The following FRMPD4 variants were observed in gnomAD, a reference collection of about 807,000 sequenced individuals.
The protein encoded by FRMPD4 is FERM and PDZ domain-containing protein 4.
In FRMPD4, 22 loss-of-function variants were observed where a neutral mutation model predicts 94.1. That is an observed-to-expected ratio of 0.23 (90% CI 0.17 to 0.33). The LOEUF is 0.33. Ranked by LOEUF, FRMPD4 falls within the 10% of genes least tolerant of loss-of-function variation. The probability of loss-of-function intolerance (pLI) is 1.00; values close to 1 mark genes in which losing one functional copy is unlikely to be tolerated. For synonymous variants in FRMPD4, 631 were observed against 548.6 expected (o/e 1.15, Z -2.10); for missense variants, 1,111 against 1,339.9 (o/e 0.83, Z 2.67).
At chrX:12,048,983 AC>A (rs1469264076) in intron 3 of FRMPD4, among the ~76,000 whole-genome samples, 12 of 111,419 alleles carry the variant, frequency 1.1e-4, no homozygotes, top group Admixed American at 7.6e-4. Context: ...TTTTTTGGTT[AC>A]ATATGAATTT....
intron 4 of FRMPD4, among the ~76,000 whole-genome samples, chrX:12,654,381 A>G (rs1602267800): frequency 1.8e-5 from 2 of 111,763 alleles, no homozygotes; most frequent in South Asian, 3.8e-4. Flanking sequence ...GATTCTGCCC[A>G]TCTGAAGAAT....
intron 4 of FRMPD4, among the ~76,000 whole-genome samples, chrX:12,654,910 G>A (rs2059636969): frequency 8.9e-6 from 1 of 112,257 alleles, no homozygotes; most frequent in South Asian, 3.7e-4. Context: ...GATTCTGCCA[G>A]TTACTGAAAT....
At chrX:12,144,502 AATAT>A (rs1227313837) in intron 1 of FRMPD4, among the ~76,000 whole-genome samples, 1 of 110,219 alleles carries the variant, frequency 9.1e-6, no homozygotes, top group African/African-American at 3.3e-5. Flanking sequence ...TTCTTTCAGA[AATAT>A]ATTTTCAAGT....
chrX:12,377,908 C>T (rs763178706), intron 1 of FRMPD4, among the ~76,000 whole-genome samples: 1 of 112,571 alleles, frequency 8.9e-6, no homozygotes. Flanking sequence ...TGCATTTGCA[C>T]TGGCTCATTC....
chrX:12,602,118 A>G (rs2059089905), intron 2 of FRMPD4, among the ~76,000 whole-genome samples: 1 of 111,717 alleles, frequency 9.0e-6, no homozygotes, highest in Non-Finnish European at 1.9e-5. Flanking sequence ...CACACACAAT[A>G]TCATCATTTT....
intron 1 of FRMPD4, among the ~76,000 whole-genome samples, chrX:12,286,454 A>C (rs2054601125): frequency 8.9e-6 from 1 of 112,022 alleles, no homozygotes; most frequent in South Asian, 3.7e-4. Flanking sequence ...GAATTAAATG[A>C]TATGAATAAG....
At chrX:11,966,990 A>G (rs1396297086) in intron 3 of FRMPD4, among the ~76,000 whole-genome samples, 2 of 112,365 alleles carry the variant, frequency 1.8e-5, no homozygotes, top group African/African-American at 6.5e-5. Context: ...AGTAAGTGGC[A>G]TGGGTGTGAG....
chrX:12,146,364 C>CAA (rs59744883), intron 1 of FRMPD4, among the ~76,000 whole-genome samples: 11 of 98,637 alleles, frequency 1.1e-4, no homozygotes, highest in South Asian at 4.8e-4. Context: ...GACTCTGTCT[C>CAA]AAAAAAAAAA....
At chrX:12,553,975 GTTTTGT>G (rs1445134585) in intron 2 of FRMPD4, among the ~76,000 whole-genome samples, 3 of 111,426 alleles carry the variant, frequency 2.7e-5, no homozygotes, top group Non-Finnish European at 3.8e-5. Context: ...GTGGACATAG[GTTTTGT>G]TTTTGTTTTT....
At chrX:11,844,284 A>G (rs997450790) in intron 1 of FRMPD4, among the ~76,000 whole-genome samples, 6 of 110,434 alleles carry the variant, frequency 5.4e-5, no homozygotes, top group Non-Finnish European at 7.6e-5. Flanking sequence ...GGTGTGAGCC[A>G]TTGCACCCGG....
intron 1 of FRMPD4, among the ~76,000 whole-genome samples, chrX:12,377,618 C>G (rs996889512): frequency 1.8e-5 from 2 of 112,367 alleles, no homozygotes; most frequent in Non-Finnish European, 3.8e-5. Context: ...TTCTGCTCAC[C>G]CAACATCACC....
At chrX:12,578,553 G>A (rs1394010801) in intron 2 of FRMPD4, among the ~76,000 whole-genome samples, 1 of 97,148 alleles carries the variant, frequency 1.0e-5, no homozygotes, top group African/African-American at 4.3e-5. Flanking sequence ...CTTGTATTCT[G>A]AGATATATAT....
At chrX:12,554,640 T>A (rs1438492) in intron 2 of FRMPD4, among the ~76,000 whole-genome samples, 1 of 110,725 alleles carries the variant, frequency 9.0e-6, no homozygotes, top group African/African-American at 3.3e-5. Context: ...GAGATAGGGT[T>A]TCACTCTGTT....
At chrX:11,967,851 T>C (rs2054319696) in intron 3 of FRMPD4, among the ~76,000 whole-genome samples, 1 of 108,269 alleles carries the variant, frequency 9.2e-6, no homozygotes, top group Non-Finnish European at 1.9e-5. Context: ...TTTGTAGTTT[T>C]CTCTGTGAAG....
chrX:11,950,451 T>A (rs773627457), intron 3 of FRMPD4, among the ~76,000 whole-genome samples: 2 of 111,714 alleles, frequency 1.8e-5, no homozygotes, highest in Non-Finnish European at 3.8e-5. Context: ...CTTAGAAAAT[T>A]TCCAGTATAC....
intron 1 of FRMPD4, among the ~76,000 whole-genome samples, chrX:12,416,234 C>CT (rs1382401914): frequency 1.9e-5 from 2 of 107,358 alleles, no homozygotes; most frequent in Non-Finnish European, 3.9e-5. Context: ...TTCTTTCTTT[C>CT]TTTTTTTGGA....
intron 3 of FRMPD4, among the ~76,000 whole-genome samples, chrX:11,883,065 G>A (rs772800768): frequency 5.4e-5 from 6 of 111,612 alleles, no homozygotes; most frequent in African/African-American, 1.6e-4. Context: ...CTAGGCCTTC[G>A]GGATCCAACA....
intron 3 of FRMPD4, among the ~76,000 whole-genome samples, chrX:11,946,694 A>T (rs917955315): frequency 2.7e-5 from 3 of 111,277 alleles, no homozygotes; most frequent in Non-Finnish European, 5.7e-5. Flanking sequence ...AGTAAAGAAG[A>T]TCACCCTCCC....
chrX:12,689,074 C>A (rs1357104913), intron 7 of FRMPD4, among the ~76,000 whole-genome samples: 3 of 111,411 alleles, frequency 2.7e-5, no homozygotes, highest in Non-Finnish European at 5.7e-5. Context: ...TTGTGACAAC[C>A]AAAAATGTCT....
Sources: gnomAD v4.1 joint callset for allele counts (sites outside exome capture counted in the v4.1 genomes callset) on GRCh38, gnomAD v4.1.1 for gene constraint, MANE v1.5 for transcripts, NCBI Gene and HGNC (gene_info 2026-07-23, HGNC 2026-07-21) for gene names.